FER: variants seen among roughly 807,000 people sequenced by gnomAD.
The protein encoded by FER is FER tyrosine kinase, also known as tyrosine-protein kinase Fer.
FER carries 63 observed loss-of-function variants against 111.0 expected under a neutral mutation model. That is an observed-to-expected ratio of 0.57 (90% confidence interval 0.46 to 0.70). The LOEUF (loss-of-function observed/expected upper bound fraction) is 0.70, where lower values mean the gene tolerates loss of function less well. FER is among the 30% of genes least tolerant of loss of function. The pLI is 0.00. For missense variants in FER, 914 were observed against 954.0 expected (o/e 0.96, Z 0.55); for synonymous variants, 327 against 313.9 (o/e 1.04, Z -0.44).
At chr5:108,952,212 C>T (rs1350146669) in intron 11 of FER, among the ~76,000 whole-genome samples, 1 of 151,964 alleles carries the variant, frequency 6.6e-6, no homozygotes, top group Non-Finnish European at 1.5e-5. Context: ...AAAGAAAAAC[C>T]CTGTCTATTG....
chr5:109,022,248 CCATTG>C (rs1162144993), intron 13 of FER, among the ~76,000 whole-genome samples: 2 of 152,038 alleles, frequency 1.3e-5, no homozygotes, highest in African/African-American at 4.8e-5. Flanking sequence ...CAAGGGAAGT[CCATTG>C]TCTCAAGGGT....
rs113455667 is a variant in FER at position 108,921,041 on chromosome 5, G to A, written c.1236+23193G>A. Among the ~76,000 whole-genome samples, 759 of 151,824 alleles carry A rather than the reference G, an allele frequency of 5.0e-3. 3 individuals are homozygous for A. Among genetic ancestry groups the A allele is most frequent in the Admixed American group, 8.1e-3 (123 of 15,216 alleles). ...TTTAATACTTATTCCCCAGATCTTC[G>A]TATGACCAACTGCCTTCTTTTGATA... On this transcript the variant is annotated intron_variant, in intron 10 of 19. Coordinates refer to ENST00000281092, the MANE Select transcript of FER (RefSeq NM_005246.4).
intron 1 of FER, among the ~76,000 whole-genome samples, chr5:108,756,754 A>C (rs1426221200): frequency 6.6e-6 from 1 of 152,186 alleles, no homozygotes; most frequent in Non-Finnish European, 1.5e-5. Context: ...ACAAAGGAAG[A>C]AGCCAATTTC....
intron 3 of FER, among the ~76,000 whole-genome samples, chr5:108,806,691 A>G (rs1282948166): frequency 2.6e-5 from 4 of 152,154 alleles, no homozygotes; most frequent in Non-Finnish European, 5.9e-5. Context: ...TCAGACTTGC[A>G]TGGGGTCTGT....
intron 11 of FER, among the ~76,000 whole-genome samples, chr5:108,949,888 G>A (rs572662277): frequency 6.6e-6 from 1 of 152,162 alleles, no homozygotes; most frequent in Admixed American, 6.5e-5. Flanking sequence ...GCAAAAATGT[G>A]TTAAAATGAT....
intron 13 of FER, among the ~76,000 whole-genome samples, chr5:109,022,455 T>C (rs1053454089): frequency 6.6e-6 from 1 of 152,138 alleles, no homozygotes; most frequent in African/African-American, 2.4e-5. Context: ...CATGTTCTAG[T>C]GCAGAAGTCT....
At chr5:109,113,206 T>C (rs931098776) in intron 17 of FER, among the ~76,000 whole-genome samples, 1 of 152,134 alleles carries the variant, frequency 6.6e-6, no homozygotes, top group African/African-American at 2.4e-5. Flanking sequence ...GAGGGCTTGT[T>C]AAGTCTTTGC....
At chr5:109,035,997 G>A (rs1410698846) in intron 13 of FER, among the ~76,000 whole-genome samples, 1 of 152,018 alleles carries the variant, frequency 6.6e-6, no homozygotes, top group African/African-American at 2.4e-5. Flanking sequence ...CTTGAGCTGG[G>A]TTCTTTGTTT....
chr5:109,088,823 A>G (rs769262735), intron 16 of FER, among the ~76,000 whole-genome samples: 1 of 152,192 alleles, frequency 6.6e-6, no homozygotes, highest in South Asian at 2.1e-4. Context: ...TAGACAATTC[A>G]TATAACCCCA....
Position 108,967,011 on chromosome 5 carries a change from T to A in FER, c.1656+7664T>A, listed in dbSNP as rs1759940074. ...CCCAAAGCACCTTATGACACATGAT[T>A]TTTCTCAGTCACTTTGTAAGCCACG... On this transcript the variant is annotated intron_variant, in intron 13 of 19. Transcript: ENST00000281092. Among the ~76,000 whole-genome samples the A allele has an allele frequency of 4.6e-5, 7 of 152,246 alleles. 1 individual carries two copies. In the South Asian group the frequency reaches 1.2e-3, roughly 27 times the overall value.
chr5:108,877,260 G>T (rs973999952), intron 8 of FER, among the ~76,000 whole-genome samples: 5 of 152,096 alleles, frequency 3.3e-5, no homozygotes, highest in African/African-American at 1.2e-4. Flanking sequence ...ATTATAATTT[G>T]CTCAGGCTGT....
At chr5:108,830,991 A>G (rs1309614944) in intron 3 of FER, among the ~76,000 whole-genome samples, 2 of 152,164 alleles carry the variant, frequency 1.3e-5, no homozygotes, top group Non-Finnish European at 2.9e-5. Flanking sequence ...ACTGAGGACA[A>G]TATGGGGTTG....
intron 3 of FER, among the ~76,000 whole-genome samples, chr5:108,831,640 AC>A (rs1305784766): frequency 6.6e-6 from 1 of 152,212 alleles, no homozygotes; most frequent in Non-Finnish European, 1.5e-5. Context: ...TTTTTAAAAA[AC>A]ATACAATGCA....
intron 13 of FER, among the ~76,000 whole-genome samples, chr5:109,014,563 G>A (rs940972623): frequency 2.6e-5 from 4 of 152,116 alleles, no homozygotes; most frequent in African/African-American, 9.6e-5. Flanking sequence ...TTGGCGATGT[G>A]GGCTCTTTTT....
intron 10 of FER, among the ~76,000 whole-genome samples, chr5:108,923,696 C>T (rs1753342571): frequency 6.6e-6 from 1 of 152,068 alleles, no homozygotes; most frequent in African/African-American, 2.4e-5. Flanking sequence ...TTTTGAGTAT[C>T]CCACTCTACT....
intron 13 of FER, among the ~76,000 whole-genome samples, chr5:108,960,271 C>G (rs1293039170): frequency 1.3e-5 from 2 of 151,998 alleles, no homozygotes; most frequent in African/African-American, 4.8e-5. Context: ...TTTTGTTAAT[C>G]TGGGATATAA....
Position 109,189,846 on chromosome 5 carries a change from A to G in FER, c.*2271A>G, listed in dbSNP as rs1759251163. 3 of 152,176 alleles carry G rather than the reference A, an allele frequency of 2.0e-5. No individual in the cohort carries two copies. The highest frequency in any genetic ancestry group is 1.3e-4 in the Admixed American group (2 of 15,272). 9.4% of individuals were successfully genotyped at this position (152,176 alleles called of 1,614,324 possible). Reference sequence around the variant, plus strand: ...GGTGTTAAGAATGAACACAGCATTGATATTTCACTTATCCAGGCTGTTAGA... The same window carrying G: ...GGTGTTAAGAATGAACACAGCATTGGTATTTCACTTATCCAGGCTGTTAGA... On this transcript the variant is annotated 3_prime_UTR_variant, in exon 20 of 20. Coordinates refer to ENST00000281092, the MANE Select transcript of FER (RefSeq NM_005246.4).
intron 8 of FER, among the ~76,000 whole-genome samples, chr5:108,879,693 T>TA (rs59305064): frequency 0.021 from 2,472 of 116,624 alleles, 202 homozygotes; most frequent in African/African-American, 0.085. Flanking sequence ...TTTTTTAGAT[T>TA]AAAAAAAAAT....
chr5:108,959,187 G>C, intron 12 of FER, 38 bp from the exon 13 acceptor site: 1 of 1,583,788 alleles, frequency 6.3e-7, no homozygotes, highest in African/African-American at 1.4e-5. Flanking sequence ...CTAAAGCAAT[G>C]TCTTCACATT....
Sources: gnomAD v4.1 joint callset for allele counts (sites outside exome capture counted in the v4.1 genomes callset) on GRCh38, gnomAD v4.1.1 for gene constraint, MANE v1.5 for transcripts, NCBI Gene and HGNC (gene_info 2026-07-23, HGNC 2026-07-21) for gene names.